The following GNAL variants were observed in gnomAD, a reference collection of about 807,000 sequenced individuals.
GNAL encodes the protein guanine nucleotide-binding protein G(olf) subunit alpha.
In GNAL, 18 loss-of-function variants were observed where a neutral mutation model predicts 55.1. The observed-to-expected ratio is 0.33, with a 90% CI of 0.23 to 0.48. The LOEUF is 0.48. GNAL is among the 20% of genes least tolerant of loss of function. GNAL has a pLI of 0.99. For missense variants in GNAL, 412 were observed against 614.1 expected (o/e 0.67, Z 3.48); for synonymous variants, 253 against 237.0 (o/e 1.07, Z -0.62).
At chr18:11,724,833 G>T (rs376514134) in intron 1 of GNAL, among the ~76,000 whole-genome samples, 1 of 152,164 alleles carries the variant, frequency 6.6e-6, no homozygotes, top group African/African-American at 2.4e-5. Flanking sequence ...GCAGGCCAAG[G>T]GTTGTTTCTT....
At chr18:11,732,880 G>A (rs1462533877) in intron 1 of GNAL, among the ~76,000 whole-genome samples, 2 of 152,230 alleles carry the variant, frequency 1.3e-5, no homozygotes, top group Admixed American at 6.5e-5. Context: ...GGAAATTCAC[G>A]AAGAGGGAAA....
intron 1 of GNAL, among the ~76,000 whole-genome samples, chr18:11,719,873 T>G (rs1159515542): frequency 1.3e-5 from 2 of 152,196 alleles, no homozygotes; most frequent in Admixed American, 1.3e-4. Context: ...ATCAAGACAT[T>G]TATAGCAGCA....
chr18:11,798,870 C>G (rs1273441820), intron 4 of GNAL, among the ~76,000 whole-genome samples: 1 of 152,016 alleles, frequency 6.6e-6, no homozygotes, highest in African/African-American at 2.4e-5. Flanking sequence ...GCCTGTAATC[C>G]AAGCACTTTG....
chr18:11,731,792 C>T (rs1168327524), intron 1 of GNAL, among the ~76,000 whole-genome samples: 2 of 152,126 alleles, frequency 1.3e-5, no homozygotes, highest in African/African-American at 2.4e-5. Flanking sequence ...ATCTAATTCC[C>T]GAATGTTTTC....
rs201256935 is a variant in GNAL at position 11,752,392 on chromosome 18, C to G, written c.377-461C>G. 1.1e-4 allele frequency: 181 copies of G among 1,574,518 alleles called. No individual in the cohort carries two copies. Among genetic ancestry groups the G allele is most frequent in the Non-Finnish European group, 1.2e-4 (143 of 1,165,060 alleles). ...GTCTCCAACTCTCTATTGCTTTTTG[C>G]GCACATTCCTAACTTCCTGACGTCC... is the stretch of plus-strand genomic sequence containing the variant. On this transcript the variant is annotated intron_variant, in intron 1 of 11. Coordinates refer to ENST00000334049, the MANE Select transcript of GNAL (RefSeq NM_182978.4). The surrounding 1 kb of genome is among the most constrained non-coding windows in gnomAD (Gnocchi z 4.5).
In GNAL at chr18:11,885,661, A is replaced by G; in HGVS notation, c.*4526A>G. The G allele has an allele frequency of 6.2e-7, 1 of 1,602,964 alleles. No homozygotes were observed. Among genetic ancestry groups the G allele is most frequent in the Non-Finnish European group, 8.5e-7 (1 of 1,171,620 alleles). Reference sequence around the variant, plus strand: ...CTTATGAAAGCTTTCAGACAAAAATAAACTTTCACGTTACCATGATGAAAC... The same window carrying G: ...CTTATGAAAGCTTTCAGACAAAAATGAACTTTCACGTTACCATGATGAAAC... On this transcript the variant is annotated 3_prime_UTR_variant, in exon 12 of 12. Coordinates refer to ENST00000334049, the MANE Select transcript of GNAL (RefSeq NM_182978.4).
At chr18:11,733,684 C>G (rs2032393878) in intron 1 of GNAL, among the ~76,000 whole-genome samples, 1 of 152,070 alleles carries the variant, frequency 6.6e-6, no homozygotes, top group Non-Finnish European at 1.5e-5. Context: ...CACATGTTCT[C>G]ATAAGTGAGA....
chr18:11,760,752 C>T (rs2033213420), intron 4 of GNAL, among the ~76,000 whole-genome samples: 1 of 152,072 alleles, frequency 6.6e-6, no homozygotes, highest in South Asian at 2.1e-4. Context: ...GCCTGGGATT[C>T]TGTGGACAGC....
chr18:11,861,234 G>A (rs528245922), intron 5 of GNAL, among the ~76,000 whole-genome samples: 1 of 152,158 alleles, frequency 6.6e-6, no homozygotes, highest in East Asian at 1.9e-4. Flanking sequence ...AGAGAGCCTG[G>A]GCCCCCCCGA....
chr18:11,825,255 T>C (rs2035210226), intron 5 of GNAL, among the ~76,000 whole-genome samples: 1 of 152,238 alleles, frequency 6.6e-6, no homozygotes, highest in Admixed American at 6.5e-5. Flanking sequence ...TGTTTTCAGT[T>C]CTCTTCATTT....
At chr18:11,696,903 T>C (rs1485507742) in intron 1 of GNAL, among the ~76,000 whole-genome samples, 5 of 152,180 alleles carry the variant, frequency 3.3e-5, no homozygotes, top group African/African-American at 1.2e-4. Context: ...GAGGGGCGTA[T>C]GTGATGGTTA....
chr18:11,858,365 CTAA>C (rs1196655222), intron 5 of GNAL, among the ~76,000 whole-genome samples: 1 of 152,184 alleles, frequency 6.6e-6, no homozygotes, highest in Non-Finnish European at 1.5e-5. Flanking sequence ...ACCTCTGCAT[CTAA>C]TAGTTGGAGT....
chr18:11,761,747 T>G (rs2033251175), intron 4 of GNAL, among the ~76,000 whole-genome samples: 1 of 152,244 alleles, frequency 6.6e-6, no homozygotes, highest in African/African-American at 2.4e-5. Flanking sequence ...CACCTTTGCT[T>G]CGTGCTGTCT....
At chr18:11,733,872 GAAAA>G (rs10570693) in intron 1 of GNAL, among the ~76,000 whole-genome samples, 9 of 98,730 alleles carry the variant, frequency 9.1e-5, no homozygotes, top group African/African-American at 3.0e-4. Flanking sequence ...GTCTATCACT[GAAAA>G]AAAAAAAAAA....
chr18:11,794,968 G>A (rs1021409134), intron 4 of GNAL, among the ~76,000 whole-genome samples: 2 of 152,016 alleles, frequency 1.3e-5, no homozygotes, highest in African/African-American at 4.8e-5. Flanking sequence ...TCAGCCTCCT[G>A]AGTAGCTGGG....
chr18:11,788,914 A>AATATATATAT (rs766675246), intron 4 of GNAL, among the ~76,000 whole-genome samples: 55 of 56,286 alleles, frequency 9.8e-4, no homozygotes, highest in African/African-American at 1.0e-3. Flanking sequence ...AAAAAAAAAA[A>AATATATATAT]ATATATATAT....
intron 11 of GNAL, 43 bp from the exon 12 acceptor site, chr18:11,880,946 T>C (rs750695811): frequency 1.3e-6 from 2 of 1,593,182 alleles, no homozygotes; most frequent in Admixed American, 3.4e-5. Flanking sequence ...CCAGAGTACA[T>C]GCTGGGGCCG....
chr18:11,793,474 T>TG (rs1319860935), intron 4 of GNAL, among the ~76,000 whole-genome samples: 3 of 151,950 alleles, frequency 2.0e-5, no homozygotes, highest in Non-Finnish European at 2.9e-5. Flanking sequence ...TCCAGCTACT[T>TG]GGGGGGCTGA....
intron 4 of GNAL, among the ~76,000 whole-genome samples, chr18:11,795,120 G>C (rs1020361237): frequency 9.9e-5 from 15 of 152,120 alleles, no homozygotes; most frequent in Non-Finnish European, 1.8e-4. Context: ...TGGGATTACA[G>C]GTGTGAGCTA....
Sources: gnomAD v4.1 joint callset for allele counts (sites outside exome capture counted in the v4.1 genomes callset) on GRCh38, gnomAD v4.1.1 for gene constraint, Gnocchi (gnomAD v3.1) non-coding constraint, MANE v1.5 for transcripts, NCBI Gene and HGNC (gene_info 2026-07-23, HGNC 2026-07-21) for gene names.